Variants in APPL2 observed in about 807,000 individuals in gnomAD.
APPL2 encodes the protein DCC-interacting protein 13-beta.
Under a neutral mutation model 92.7 loss-of-function variants are expected in APPL2, and 84 were observed. The observed-to-expected ratio is 0.91, with a 90% CI of 0.76 to 1.09. The LOEUF is 1.09. Among genes scored for constraint, APPL2 ranks in the 50% least tolerant of loss-of-function variants. The pLI is 0.00. For synonymous variants in APPL2, 291 were observed against 291.0 expected (o/e 1.00, Z 0.00); for missense variants, 736 against 824.5 (o/e 0.89, Z 1.31).
intron 2 of APPL2, among the ~76,000 whole-genome samples, chr12:105,223,275 C>T (rs962517663): frequency 6.6e-6 from 1 of 152,096 alleles, no homozygotes; most frequent in African/African-American, 2.4e-5. Context: ...AACAGGCAAA[C>T]GTTGTTTCGA....
At chr12:105,196,714 T>C (rs1393986430) in intron 11 of APPL2, among the ~76,000 whole-genome samples, 2 of 152,186 alleles carry the variant, frequency 1.3e-5, no homozygotes, top group African/African-American at 4.8e-5. Flanking sequence ...GTGCTGGGAT[T>C]ATAGGCGTGA....
chr12:105,195,166 G>T (rs1316555541), intron 14 of APPL2, 95 bp downstream of exon 14: 6 of 1,236,258 alleles, frequency 4.9e-6, no homozygotes, highest in African/African-American at 4.5e-5. Flanking sequence ...TGAAAAACAT[G>T]CCTTGGTTTG....
chr12:105,189,905 G>C, intron 15 of APPL2, 81 bp from the exon 16 acceptor site: 1 of 1,610,652 alleles, frequency 6.2e-7, no homozygotes, highest in East Asian at 2.2e-5. Context: ...AATCAGAATG[G>C]CAACAGTCTT....
At position 105,197,885 on chromosome 12, in the gene APPL2, C is replaced by T. The variant is rs770114835; in HGVS notation, c.932G>A (p.Cys311Tyr). The T allele has an allele frequency of 6.2e-7, 1 of 1,614,180 alleles. No homozygotes were observed. ...YFFTQGGNLMCQPRGAVAGGL... is the reference protein window; with the variant it reads ...YFFTQGGNLMYQPRGAVAGGL... Reference sequence around the variant, plus strand: ...TCCAGCCACGGCTCCCCTGGGCTGACACATGAGATTCCCGCCTTGGGTGAA... The same window carrying T: ...TCCAGCCACGGCTCCCCTGGGCTGATACATGAGATTCCCGCCTTGGGTGAA... Residue 311 changes from cysteine to tyrosine, a missense_variant, in exon 11 of 21, where the codon TGT (cysteine) becomes TAT (tyrosine). Transcript: ENST00000258530.
At chr12:105,228,291 A>C (rs1890673108) in intron 2 of APPL2, among the ~76,000 whole-genome samples, 1 of 152,200 alleles carries the variant, frequency 6.6e-6, no homozygotes, top group Non-Finnish European at 1.5e-5. Context: ...CCAAATCCAA[A>C]ACTCCAAAAT....
chr12:105,195,873 G>A (rs1395617515), intron 11 of APPL2, among the ~76,000 whole-genome samples: 1 of 152,014 alleles, frequency 6.6e-6, no homozygotes, highest in Non-Finnish European at 1.5e-5. Context: ...TGGGCAACAT[G>A]GTGAAACCCC....
chr12:105,217,777 C>A, intron 2 of APPL2, 52 bp from the exon 3 acceptor site: 1 of 1,558,654 alleles, frequency 6.4e-7, no homozygotes, highest in South Asian at 1.1e-5. Context: ...TATACATAGT[C>A]ACTGAAAAAT....
In APPL2 at chr12:105,195,479, A is replaced by G. The variant is rs1566066059; in HGVS notation, c.1118T>C (p.Ile373Thr). ...GTCGGTCAGGTAGATCTGTCTGGAG[A>G]TGTTGTTTATTGCACATATCCACTG... ...NEEWICAINNISRQIYLTDNP... is the reference protein window; with the variant it reads ...NEEWICAINNTSRQIYLTDNP... The change falls in exon 13 of 21, where the codon ATC becomes ACC. Residue 373 changes from isoleucine (I) to threonine (T), a missense_variant. By Grantham distance (89) the Ile-to-Thr change is moderately conservative. Coordinates refer to ENST00000258530, the MANE Select transcript of APPL2 (RefSeq NM_018171.5). 1.2e-6 allele frequency: 2 copies of G among 1,614,126 alleles called. No individual in the cohort carries two copies. Among genetic ancestry groups the G allele is most frequent in the Admixed American group, 3.3e-5 (2 of 60,018 alleles).
At chr12:105,201,731 C>CAT (rs1412515131) in intron 9 of APPL2, among the ~76,000 whole-genome samples, 3 of 152,026 alleles carry the variant, frequency 2.0e-5, no homozygotes, top group Admixed American at 6.5e-5. Context: ...TACACACACA[C>CAT]ATATATATAA....
Position 105,195,452 on chromosome 12 carries a change from T to TTGTC in APPL2, c.1141_1144dup (p.Asn382ArgfsTer4), listed in dbSNP as rs1222143707. ...CCGGTGGCTGATAATTACCTCAGGG[T>TTGTC]TGTCGGTCAGGTAGATCTGTCTGGA... On this transcript the variant is annotated frameshift_variant, in exon 13 of 21. Coordinates refer to ENST00000258530, the MANE Select transcript of APPL2 (RefSeq NM_018171.5). LOFTEE classifies it high-confidence loss of function. The TTGTC allele has an allele frequency of 1.2e-5, 19 of 1,614,134 alleles. No homozygotes were observed. The highest frequency in any genetic ancestry group is 1.5e-5 in the Non-Finnish European group (18 of 1,180,032).
intron 5 of APPL2, among the ~76,000 whole-genome samples, chr12:105,208,999 T>G (rs527982237): frequency 6.6e-6 from 1 of 152,262 alleles, no homozygotes; most frequent in Non-Finnish European, 1.5e-5. Context: ...AGCTTTTAAA[T>G]GCTCTTCGCG....
At chr12:105,189,894 A>G in intron 15 of APPL2, 70 bp from the exon 16 acceptor site, 1 of 1,611,850 alleles carries the variant, frequency 6.2e-7, no homozygotes, top group Non-Finnish European at 8.5e-7. Context: ...CTTGAACTGG[A>G]AATCAGAATG....
At chr12:105,189,444 T>C (rs1344982078) in intron 16 of APPL2, among the ~76,000 whole-genome samples, 1 of 152,220 alleles carries the variant, frequency 6.6e-6, no homozygotes, top group African/African-American at 2.4e-5. Flanking sequence ...ATTTGTGCTT[T>C]TGGTTTTCTA....
chr12:105,209,692 C>A (rs1398337921), intron 5 of APPL2, among the ~76,000 whole-genome samples: 5 of 152,198 alleles, frequency 3.3e-5, no homozygotes, highest in Admixed American at 6.5e-5. Flanking sequence ...TCAGTGAGGA[C>A]ACAATCATCA....
In APPL2 at chr12:105,177,154, G is replaced by A. The variant is rs574673409; in HGVS notation, c.1671+72C>T. 2.6e-5 allele frequency: 41 copies of A among 1,598,550 alleles called. No homozygotes were observed. The South Asian group carries it at 4.2e-4, about 16-fold the overall frequency. ...CAGATCTTTATTAATAAAGTGCCTAGGCTGTGTTTAAGGTAGATACAAAGG... is the reference window on the plus strand; with the variant it reads ...CAGATCTTTATTAATAAAGTGCCTAAGCTGTGTTTAAGGTAGATACAAAGG... On this transcript the variant is annotated intron_variant, in intron 18 of 20. Transcript: ENST00000258530.
At chr12:105,231,993 G>T (rs554701387) in intron 1 of APPL2, among the ~76,000 whole-genome samples, 7 of 151,950 alleles carry the variant, frequency 4.6e-5, no homozygotes, top group Admixed American at 3.3e-4. Flanking sequence ...AAAATCCCAC[G>T]GTCAGAAAGA....
chr12:105,197,712 C>T (rs532618281), intron 11 of APPL2, 53 bp downstream of exon 11: 154 of 1,602,616 alleles, frequency 9.6e-5, no homozygotes, highest in African/African-American at 9.5e-4. Context: ...GCCCTTGGAA[C>T]GGGTGGAACC....
At chr12:105,213,158 A>C (rs1030034489) in intron 4 of APPL2, among the ~76,000 whole-genome samples, 2 of 152,256 alleles carry the variant, frequency 1.3e-5, no homozygotes, top group Non-Finnish European at 2.9e-5. Context: ...TGGAGAAACC[A>C]AAACTCAGAA....
intron 20 of APPL2, 100 bp downstream of exon 20, chr12:105,175,935 C>T: frequency 1.6e-6 from 2 of 1,229,830 alleles, no homozygotes; most frequent in South Asian, 1.5e-5. Context: ...CTTGGCCACA[C>T]TTTCCAGTGA....
Sources: gnomAD v4.1 joint callset for allele counts (sites outside exome capture counted in the v4.1 genomes callset) on GRCh38, gnomAD v4.1.1 for gene constraint, MANE v1.5 for transcripts, NCBI Gene and HGNC (gene_info 2026-07-23, HGNC 2026-07-21) for gene names.